SMIM21: variants seen among roughly 807,000 people sequenced by gnomAD.
SMIM21 encodes chromosome 18 open reading frame 62.
SMIM21 carries 8 observed loss-of-function variants against 8.6 expected under a neutral mutation model. That is an observed-to-expected ratio of 0.93 (90% CI 0.55 to 1.68). The LOEUF is 1.68. Ranked by LOEUF, SMIM21 falls within the 40% of genes most tolerant of loss-of-function variation. The pLI is 0.00. For synonymous variants in SMIM21, 43 were observed against 41.7 expected, an observed-to-expected ratio of 1.03 and a Z score of -0.12; for missense variants, 132 against 123.0, an observed-to-expected ratio of 1.07 and a Z score of -0.35.
intron 2 of SMIM21, among the ~76,000 whole-genome samples, chr18:75,413,114 C>G (rs1258580755): frequency 6.6e-6 from 1 of 151,656 alleles, no homozygotes; most frequent in Non-Finnish European, 1.5e-5. Flanking sequence ...GCTGATGCTC[C>G]TGGGCCCCCC....
At chr18:75,411,414 G>T (rs1466330160) in intron 2 of SMIM21, among the ~76,000 whole-genome samples, 1 of 152,224 alleles carries the variant, frequency 6.6e-6, no homozygotes, top group Non-Finnish European at 1.5e-5. Context: ...AATGTGTTTT[G>T]TTACATGGTG....
chr18:75,415,693 C>A (rs72975985), intron 2 of SMIM21, among the ~76,000 whole-genome samples: 1 of 151,914 alleles, frequency 6.6e-6, no homozygotes, highest in Non-Finnish European at 1.5e-5. Flanking sequence ...TCTAATCATC[C>A]ATCAATCATC....
Position 75,421,858 on chromosome 18 carries a change from T to C in SMIM21, c.130-2942A>G, listed in dbSNP as rs1022298046. ...TGCTTCTGCACTGAGTCTTTCGAAA[T>C]ACCTAACCTCATTCAGGCTCTGGAA... is the stretch of plus-strand genomic sequence containing the variant. On this transcript the variant is annotated intron_variant, in intron 1 of 2. Transcript: ENST00000579022. Among the ~76,000 whole-genome samples, 8 of 152,240 alleles carry C rather than the reference T, an allele frequency of 5.3e-5. No homozygotes were observed. In the East Asian group the frequency reaches 1.5e-3, roughly 29 times the overall value.
rs187724688 is a variant in SMIM21 at position 75,425,104 on chromosome 18, C to A, written c.129+2331G>T. On this transcript the variant is annotated intron_variant, in intron 1 of 2. Coordinates refer to ENST00000579022, the MANE Select transcript of SMIM21 (RefSeq NM_001037331.3). ...ACAAATGTGCACACCTCAGCTGACA[C>A]AACTCCAGTGGAACAGGCTGTCTGT... Among the ~76,000 whole-genome samples the A allele has an allele frequency of 2.6e-5, 4 of 152,316 alleles. No individual in the cohort carries two copies. In the East Asian group the frequency reaches 7.7e-4, roughly 29 times the overall value.
Position 75,414,967 on chromosome 18 carries a change from A to G in SMIM21, c.260+3819T>C, listed in dbSNP as rs78109223. Among the ~76,000 whole-genome samples the G allele has an allele frequency of 6.0e-3, 917 of 152,324 alleles. 19 individuals are homozygous for G. The highest frequency in any genetic ancestry group is 0.02 in the East Asian group (106 of 5,184). On this transcript the variant is annotated intron_variant, in intron 2 of 2. Transcript: ENST00000579022. ...TCAGTTTATAAAATGTGTTTGTAAG[A>G]ATGGCTGACAATTAACAGTCATGCA...
Position 75,410,726 on chromosome 18 carries a change from T to C in SMIM21, c.*138A>G. ...ATTGCAAAAAGTTACACGTTCTTCA[T>C]TCTCTCTGTGGAGCTCCTTTTAAAA... On this transcript the variant is annotated 3_prime_UTR_variant, in exon 3 of 3. Coordinates refer to ENST00000579022, the MANE Select transcript of SMIM21 (RefSeq NM_001037331.3). The C allele has an allele frequency of 6.8e-7, 1 of 1,476,430 alleles. No individual in the cohort carries two copies. The highest frequency in any genetic ancestry group is 8.9e-7 in the Non-Finnish European group (1 of 1,118,728). The allele number at this position is 1,476,430 out of a possible 1,614,324, so 91.5% of individuals were successfully genotyped here. A position where few individuals can be genotyped will look rare whatever the true frequency, so the allele number is the denominator to read the frequency against.
intron 1 of SMIM21, among the ~76,000 whole-genome samples, chr18:75,420,460 A>T (rs1220511092): frequency 6.6e-6 from 1 of 152,222 alleles, no homozygotes. Flanking sequence ...TGCAACAATC[A>T]TTAGAGAGCT....
chr18:75,425,876 C>T (rs1266639143), intron 1 of SMIM21, among the ~76,000 whole-genome samples: 1 of 152,166 alleles, frequency 6.6e-6, no homozygotes, highest in Non-Finnish European at 1.5e-5. Context: ...CAGGGACAGT[C>T]TCTGTATCTG....
intron 1 of SMIM21, among the ~76,000 whole-genome samples, chr18:75,423,926 A>G (rs746251044): frequency 6.6e-6 from 1 of 152,218 alleles, no homozygotes; most frequent in Non-Finnish European, 1.5e-5. Flanking sequence ...CGTTTTTGGA[A>G]TGGAGGCAGA....
intron 2 of SMIM21, among the ~76,000 whole-genome samples, chr18:75,413,967 T>C (rs2024610993): frequency 6.6e-6 from 1 of 152,092 alleles, no homozygotes; most frequent in African/African-American, 2.4e-5. Context: ...TAGAAAACAA[T>C]AGCAAAAACA....
At chr18:75,418,954 T>C (rs1304199189) in intron 1 of SMIM21, 38 bp from the exon 2 acceptor site, 3 of 1,428,278 alleles carry the variant, frequency 2.1e-6, no homozygotes, top group African/African-American at 2.8e-5. Flanking sequence ...ATTTACAGTG[T>C]CTGGCTTTTC....
chr18:75,425,228 T>C (rs977609355), intron 1 of SMIM21, among the ~76,000 whole-genome samples: 3 of 152,146 alleles, frequency 2.0e-5, no homozygotes, highest in Admixed American at 6.5e-5. Flanking sequence ...TCCAGAGATA[T>C]CTGGATTTAA....
rs552593498 is a variant in SMIM21, at chr18:75,410,902, G to A, written c.268C>T (p.Arg90Cys). 2.2e-5 allele frequency: 36 copies of A among 1,613,998 alleles called. No individual in the cohort carries two copies. Among genetic ancestry groups the A allele is most frequent in the East Asian group, 1.6e-4 (7 of 44,870 alleles). ...RANSIFRNFL[R>C]LKSSRNTAEA... ...GCTGTGTTCCTGGATGACTTCAAACGTAGAAAGCTGCAAGAGACAAAAGGG... is the reference window on the plus strand; with the variant it reads ...GCTGTGTTCCTGGATGACTTCAAACATAGAAAGCTGCAAGAGACAAAAGGG... Residue 90 changes from arginine to cysteine, a missense_variant, in exon 3 of 3, where the codon CGT becomes TGT. Arg to Cys is a radical substitution (Grantham distance 180). Transcript: ENST00000579022.
intron 2 of SMIM21, among the ~76,000 whole-genome samples, chr18:75,415,547 C>T (rs1386552203): frequency 6.6e-6 from 1 of 152,222 alleles, no homozygotes; most frequent in Non-Finnish European, 1.5e-5. Context: ...GCGGAACTAG[C>T]ATGTGAGATG....
chr18:75,411,252 C>A (rs757380336), intron 2 of SMIM21, among the ~76,000 whole-genome samples: 1 of 152,156 alleles, frequency 6.6e-6, no homozygotes, highest in Non-Finnish European at 1.5e-5. Context: ...CGAGTATATG[C>A]GAACTCTGAA....
At chr18:75,425,919 C>A (rs919908177) in intron 1 of SMIM21, among the ~76,000 whole-genome samples, 2 of 152,236 alleles carry the variant, frequency 1.3e-5, no homozygotes, top group South Asian at 4.1e-4. Context: ...CCTGCCTCTC[C>A]CATCTTTGCA....
chr18:75,426,569 A>G (rs916556586), intron 1 of SMIM21, among the ~76,000 whole-genome samples: 2 of 142,120 alleles, frequency 1.4e-5, no homozygotes, highest in Non-Finnish European at 3.0e-5. Flanking sequence ...TCGGCCTCCC[A>G]AAGTGCTGAG....
intron 2 of SMIM21, among the ~76,000 whole-genome samples, chr18:75,418,571 C>T (rs996985684): frequency 6.6e-5 from 10 of 152,144 alleles, no homozygotes; most frequent in African/African-American, 9.7e-5. Context: ...TATGTGGCCC[C>T]GTGCTCTATC....
At chr18:75,424,777 T>C (rs1442053660) in intron 1 of SMIM21, among the ~76,000 whole-genome samples, 1 of 152,248 alleles carries the variant, frequency 6.6e-6, no homozygotes, top group Non-Finnish European at 1.5e-5. Context: ...TTATTTAAAA[T>C]GTCTCACTAA....
Sources: gnomAD v4.1 joint callset for allele counts (sites outside exome capture counted in the v4.1 genomes callset) on GRCh38, gnomAD v4.1.1 for gene constraint, MANE v1.5 for transcripts, NCBI Gene and HGNC (gene_info 2026-07-23, HGNC 2026-07-21) for gene names.